The following SORCS3 variants were observed in gnomAD, a reference collection of about 807,000 sequenced individuals.
SORCS3 encodes the protein sortilin related VPS10 domain containing receptor 3.
Under a neutral mutation model 146.3 loss-of-function variants are expected in SORCS3, and 57 were observed. The observed-to-expected ratio is 0.39, with a 90% CI of 0.31 to 0.49. The LOEUF (loss-of-function observed/expected upper bound fraction) is 0.49, where lower values mean the gene tolerates loss of function less well. SORCS3 is among the 20% of genes least tolerant of loss of function. The probability of loss-of-function intolerance (pLI) is 0.92; values close to 1 mark genes in which losing one functional copy is unlikely to be tolerated. For synonymous variants in SORCS3, 653 were observed against 618.5 expected (o/e 1.06, Z -0.83); for missense variants, 1,341 against 1,575.5 (o/e 0.85, Z 2.52).
At chr10:105,004,550 A>G (rs2055082465) in intron 4 of SORCS3, among the ~76,000 whole-genome samples, 1 of 152,134 alleles carries the variant, frequency 6.6e-6, no homozygotes, top group Non-Finnish European at 1.5e-5. Flanking sequence ...GAAGTGGAGC[A>G]GATAAACTCT....
intron 5 of SORCS3, among the ~76,000 whole-genome samples, chr10:105,074,146 T>G (rs185387490): frequency 2.2e-4 from 33 of 152,350 alleles, no homozygotes; most frequent in African/African-American, 7.9e-4. Context: ...AGGTCATTCA[T>G]ACATGCCAGG....
rs770259582 is a variant in SORCS3, at chr10:104,725,997, C to T, written c.627+84043C>T. ...CACCCACTGTCCTGTACCCACTGTC[C>T]GACACTCCCCAATGAGATGAACCCG... On this transcript the variant is annotated intron_variant, in intron 1 of 26. Transcript: ENST00000369701. Among the ~76,000 whole-genome samples the T allele has an allele frequency of 3.3e-4, 50 of 152,308 alleles. 1 individual carries two copies. Among genetic ancestry groups the T allele is most frequent in the Admixed American group, 1.2e-3 (18 of 15,300 alleles).
intron 26 of SORCS3, 52 bp downstream of exon 26, chr10:105,262,543 G>T: frequency 6.4e-7 from 1 of 1,556,260 alleles, no homozygotes; most frequent in East Asian, 2.3e-5. Context: ...TCTAAACACT[G>T]GCCTGCTTCA....
intron 1 of SORCS3, among the ~76,000 whole-genome samples, chr10:104,732,166 C>T (rs1396952037): frequency 6.6e-6 from 1 of 152,078 alleles, no homozygotes; most frequent in Non-Finnish European, 1.5e-5. Flanking sequence ...TTTAATTGGC[C>T]CTCAGTTAAG....
intron 8 of SORCS3, 123 bp downstream of exon 8, chr10:105,139,609 T>C (rs1239035803): frequency 1.4e-5 from 10 of 702,618 alleles, no homozygotes; most frequent in Non-Finnish European, 2.2e-5. Flanking sequence ...TTAGACTCAC[T>C]CACCACCAAG....
At chr10:104,772,405 G>T (rs1462030965) in intron 1 of SORCS3, among the ~76,000 whole-genome samples, 1 of 152,156 alleles carries the variant, frequency 6.6e-6, no homozygotes, top group Non-Finnish European at 1.5e-5. Flanking sequence ...TGCTTCTCTG[G>T]TGTCTCTGAT....
intron 3 of SORCS3, among the ~76,000 whole-genome samples, chr10:104,952,255 GAAAAAAAAAAAAA>G (rs55880149): frequency 1.3e-3 from 53 of 40,624 alleles, no homozygotes; most frequent in East Asian, 4.5e-3. Flanking sequence ...ATGAATGTTT[GAAAAAAAAAAAAA>G]AAAAAAAAAA....
At chr10:104,957,396 A>G (rs1381442354) in intron 3 of SORCS3, among the ~76,000 whole-genome samples, 2 of 152,224 alleles carry the variant, frequency 1.3e-5, no homozygotes, top group Non-Finnish European at 2.9e-5. Context: ...GAAGCGATTA[A>G]TCTAAATCAC....
chr10:104,916,538 T>C (rs1197591939), intron 3 of SORCS3, among the ~76,000 whole-genome samples: 1 of 152,138 alleles, frequency 6.6e-6, no homozygotes, highest in Non-Finnish European at 1.5e-5. Flanking sequence ...GATGAAATCA[T>C]ATAAGGTCAG....
intron 1 of SORCS3, among the ~76,000 whole-genome samples, chr10:104,717,361 AT>A (rs1312440440): frequency 6.6e-6 from 1 of 150,632 alleles, no homozygotes; most frequent in African/African-American, 2.4e-5. Context: ...AAAGAAAGAG[AT>A]GTTCTGTTTT....
chr10:105,141,814 G>A (rs1477579382), intron 8 of SORCS3, among the ~76,000 whole-genome samples: 1 of 152,182 alleles, frequency 6.6e-6, no homozygotes, highest in Non-Finnish European at 1.5e-5. Flanking sequence ...GAAAAGACAG[G>A]TGAGCTTATG....
chr10:104,979,955 G>C (rs1165931397), intron 4 of SORCS3, among the ~76,000 whole-genome samples: 1 of 152,182 alleles, frequency 6.6e-6, no homozygotes, highest in Non-Finnish European at 1.5e-5. Context: ...AGCTGGGTTA[G>C]AGGCAACAGA....
At chr10:104,723,551 G>A (rs534670846) in intron 1 of SORCS3, among the ~76,000 whole-genome samples, 2,068 of 152,150 alleles carry the variant, frequency 0.014, 38 homozygotes, top group African/African-American at 0.041. Context: ...TTTCTGTCTC[G>A]TTGATCTGTC....
At chr10:104,889,069 T>C (rs960970980) in intron 2 of SORCS3, among the ~76,000 whole-genome samples, 6 of 152,206 alleles carry the variant, frequency 3.9e-5, no homozygotes. Context: ...TAGTTGTTTT[T>C]TTGGCTCTGA....
At chr10:105,147,497 C>A in intron 8 of SORCS3, 120 bp from the exon 9 acceptor site, 1 of 770,666 alleles carries the variant, frequency 1.3e-6, no homozygotes, top group Non-Finnish European at 2.0e-6. Flanking sequence ...AATTGTTTAA[C>A]ATTGCCTATA....
chr10:105,222,554 G>A (rs532877083), intron 19 of SORCS3, among the ~76,000 whole-genome samples: 2 of 152,192 alleles, frequency 1.3e-5, no homozygotes, highest in South Asian at 2.1e-4. Flanking sequence ...TTATTATTTG[G>A]GAACCTGGCA....
chr10:105,252,085 A>G (rs1480139359), intron 22 of SORCS3, among the ~76,000 whole-genome samples: 3 of 152,076 alleles, frequency 2.0e-5, no homozygotes, highest in Non-Finnish European at 4.4e-5. Context: ...TTTATTTACT[A>G]TTATAAGTAA....
At chr10:104,828,949 A>C (rs2017969934) in intron 1 of SORCS3, among the ~76,000 whole-genome samples, 3 of 152,158 alleles carry the variant, frequency 2.0e-5, no homozygotes, top group Middle Eastern at 3.2e-3. Context: ...AATCCTTGAA[A>C]GACATTGCTC....
At chr10:104,831,353 G>A (rs1041253269) in intron 1 of SORCS3, among the ~76,000 whole-genome samples, 1 of 152,204 alleles carries the variant, frequency 6.6e-6, no homozygotes, top group Non-Finnish European at 1.5e-5. Flanking sequence ...AGAAAAGAGA[G>A]TAACTTATGG....
Sources: gnomAD v4.1 joint callset for allele counts (sites outside exome capture counted in the v4.1 genomes callset) on GRCh38, gnomAD v4.1.1 for gene constraint, MANE v1.5 for transcripts, NCBI Gene and HGNC (gene_info 2026-07-23, HGNC 2026-07-21) for gene names.